The following NCAPD3 variants were observed in gnomAD, a reference collection of about 807,000 sequenced individuals.
NCAPD3 encodes condensin-2 complex subunit D3.
A neutral mutation model predicts 182.9 loss-of-function variants in NCAPD3; 105 were observed. The ratio of observed to expected loss-of-function variants is 0.57; its 90% CI spans 0.49 to 0.68. The LOEUF (loss-of-function observed/expected upper bound fraction) is 0.68. NCAPD3 is among the 30% of genes least tolerant of loss of function. NCAPD3 has a pLI of 0.00. For missense variants in NCAPD3, 1,944 were observed against 1,837.0 expected, an observed-to-expected ratio of 1.06 and a Z score of -1.07; for synonymous variants, 815 against 679.9, an observed-to-expected ratio of 1.20 and a Z score of -3.09.
Position 134,209,447 on chromosome 11 carries a change from C to T in NCAPD3, c.598G>A (p.Glu200Lys), listed in dbSNP as rs182724339. 4.2e-5 allele frequency: 67 copies of T among 1,612,488 alleles called. No homozygotes were observed. The African/African-American group carries it at 8.3e-4, about 20-fold the overall frequency. ...MDEIIEEQED[E>K]NICFSARDLS... ...TCCCGGGCAGAAAAACAAATATTCT[C>T]ATCTTCTTGTTCTTCTATAATTTCA... The change falls in exon 5 of 35, where the codon GAG becomes AAG. Residue 200 changes from glutamate (E) to lysine (K), a missense_variant. By Grantham distance (56) the Glu-to-Lys change is moderately conservative. Coordinates refer to ENST00000534548, the MANE Select transcript of NCAPD3 (RefSeq NM_015261.3).
At chr11:134,153,812 G>A (rs762540546) in intron 32 of NCAPD3, 38 of 204,314 alleles carry the variant, frequency 1.9e-4, no homozygotes, top group Non-Finnish European at 3.4e-4. Flanking sequence ...ATATGGCACC[G>A]TGAGCAGCTC....
At chr11:134,202,693 G>A in intron 13 of NCAPD3, 123 bp downstream of exon 13, 1 of 696,200 alleles carries the variant, frequency 1.4e-6, no homozygotes. Context: ...CCAGCCAGCT[G>A]TTTCAACTCT....
chr11:134,224,650 C>T, upstream of NCAPD3: 1 of 152,388 alleles, frequency 6.6e-6, no homozygotes, highest in Non-Finnish European at 1.5e-5. Context: ...GGCTGGAGCT[C>T]GCCCGCCCCC....
In NCAPD3 at chr11:134,192,909, C is replaced by G. The variant is rs1944554983; in HGVS notation, c.1825G>C (p.Ala609Pro). ...ALQSLTELLM[A>P]QPRCVQIQKA... ...TGGATCTGCACGCATCTAGGCTGAGCCTTAGGAGTGAAAGATTATGACATG... is the reference window on the plus strand; with the variant it reads ...TGGATCTGCACGCATCTAGGCTGAGGCTTAGGAGTGAAAGATTATGACATG... The change falls in exon 16 of 35, where the codon GCT (alanine) becomes CCT (proline). Residue 609 changes from alanine to proline, a missense_variant and splice_region_variant. Coordinates refer to ENST00000534548, the MANE Select transcript of NCAPD3 (RefSeq NM_015261.3). The G allele has an allele frequency of 6.3e-7, 1 of 1,584,638 alleles. No individual in the cohort carries two copies. The highest frequency in any genetic ancestry group is 8.7e-7 in the Non-Finnish European group (1 of 1,153,816).
At chr11:134,165,177 C>A (rs1263187886) in intron 27 of NCAPD3, among the ~76,000 whole-genome samples, 1 of 148,910 alleles carries the variant, frequency 6.7e-6, no homozygotes, top group Non-Finnish European at 1.5e-5. Context: ...GGAGGAGCTG[C>A]ACACTTGTGA....
At chr11:134,210,966 C>A (rs189294910) in intron 3 of NCAPD3, among the ~76,000 whole-genome samples, 112 of 152,320 alleles carry the variant, frequency 7.4e-4, no homozygotes, top group Middle Eastern at 3.4e-3. Context: ...AAAAAGAGTT[C>A]TAGAAATCGG....
At chr11:134,169,911 C>T (rs1434274062) in intron 24 of NCAPD3, among the ~76,000 whole-genome samples, 2 of 152,202 alleles carry the variant, frequency 1.3e-5, no homozygotes, top group African/African-American at 4.8e-5. Context: ...AGCTCAAATG[C>T]AATTTCCACC....
intron 3 of NCAPD3, among the ~76,000 whole-genome samples, chr11:134,215,603 C>T (rs948577066): frequency 4.6e-5 from 7 of 152,156 alleles, no homozygotes; most frequent in East Asian, 1.9e-4. Flanking sequence ...GCAAGAGTTG[C>T]GCACCAAAAA....
rs1323805585 is a variant in NCAPD3 at position 134,184,671 on chromosome 11, C to T, written c.2417G>A (p.Cys806Tyr). The T allele has an allele frequency of 1.9e-6, 3 of 1,613,708 alleles. No homozygotes were observed. Among genetic ancestry groups the T allele is most frequent in the Admixed American group, 1.7e-5 (1 of 59,968 alleles). The part of the protein sequence containing the change: ...SSAVDALQRL[C>Y]RASAETPAEE... ...TGCTGGTGTCTCTGCAGATGCTCTA[C>T]AAAGCCTCTGCAAGGCGTCAACAGC... is the stretch of plus-strand genomic sequence containing the variant. Residue 806 changes from cysteine (C) to tyrosine (Y), a missense_variant, in exon 19 of 35, where the codon TGT becomes TAT. Physicochemically the swap from Cys to Tyr is radical, Grantham distance 194 (BLOSUM62 -2). Around this residue, in one of 3 missense-constraint regions of NCAPD3, gnomAD observed 1,803 missense variants for 1,674.6 expected, o/e 1.08. Transcript: ENST00000534548.
chr11:134,209,457 T>A lies in NCAPD3; in HGVS notation c.588A>T (p.Glu196Asp). 6.2e-7 allele frequency: 1 copy of A among 1,611,756 alleles called. No homozygotes were observed. Among genetic ancestry groups the A allele is most frequent in the Non-Finnish European group, 8.5e-7 (1 of 1,179,250 alleles). Residue 196 changes from glutamate to aspartate, a missense_variant, in exon 5 of 35, where the codon GAA becomes GAT. Physicochemically the swap from Glu to Asp is conservative, Grantham distance 45. This residue lies in a region of NCAPD3 where 1,803 missense variants were observed against 1,674.6 expected (regional missense o/e 1.08). Transcript: ENST00000534548. ...AAAAACAAATATTCTCATCTTCTTG[T>A]TCTTCTATAATTTCATCCATCTAGA... ...EDIEMDEIIE[E>D]QEDENICFSA... is the part of the protein sequence containing the mutation.
At position 134,219,059 on chromosome 11, in the gene NCAPD3, A is replaced by C. The variant is rs148403886; in HGVS notation, c.219+1513T>G. On this transcript the variant is annotated intron_variant, in intron 2 of 34. Transcript: ENST00000534548. ...CAAACTCCACTGCTGAACCTCACGT[A>C]AAGCTACCCGTGACCTACCCTTACT... is the stretch of plus-strand genomic sequence containing the variant. Among the ~76,000 whole-genome samples the C allele has an allele frequency of 4.2e-3, 636 of 152,294 alleles. 4 individuals are homozygous for C. The highest frequency in any genetic ancestry group is 0.015 in the African/African-American group (610 of 41,554).
intron 14 of NCAPD3, 112 bp downstream of exon 14, chr11:134,194,549 CAGTT>C (rs144202724): frequency 0.058 from 36,712 of 634,520 alleles, 1,204 homozygotes; most frequent in Non-Finnish European, 0.06. Flanking sequence ...GGTCAACTAA[CAGTT>C]AGGCGAAAAG....
At chr11:134,186,643 A>G (rs1218190802) in intron 16 of NCAPD3, among the ~76,000 whole-genome samples, 2 of 152,174 alleles carry the variant, frequency 1.3e-5, no homozygotes, top group Non-Finnish European at 2.9e-5. Flanking sequence ...CCCTTGATTA[A>G]TTTTTCTTAG....
At chr11:134,192,461 C>T (rs537029474) in intron 16 of NCAPD3, among the ~76,000 whole-genome samples, 10 of 152,156 alleles carry the variant, frequency 6.6e-5, no homozygotes, top group African/African-American at 2.2e-4. Context: ...AACTGGAAAG[C>T]GTCAGACAGA....
Position 134,169,100 on chromosome 11 carries a change from C to T in NCAPD3, c.3102-46G>A, listed in dbSNP as rs750082450. The T allele has an allele frequency of 6.3e-6, 10 of 1,584,656 alleles. No individual in the cohort carries two copies. The East Asian group carries it at 6.7e-5, about 11-fold the overall frequency. On this transcript the variant is annotated intron_variant, in intron 24 of 34. Coordinates refer to ENST00000534548, the MANE Select transcript of NCAPD3 (RefSeq NM_015261.3). ...AAGAGGGAGACCCATTTGCTATGTA[C>T]CAACAGTCTCTGAATACACCAAGAA... is the stretch of plus-strand genomic sequence containing the variant.
chr11:134,170,788 C>T (rs560277385), intron 24 of NCAPD3, among the ~76,000 whole-genome samples: 90 of 152,336 alleles, frequency 5.9e-4, no homozygotes, highest in African/African-American at 1.7e-3. Flanking sequence ...AGGATTCACA[C>T]GCTGAGGGCT....
chr11:134,185,906 C>CTTTTTTTTTTTTTTTTTTTT (rs34931150), intron 16 of NCAPD3: 1 of 138,312 alleles, frequency 7.2e-6, no homozygotes, highest in Non-Finnish European at 1.5e-5. Context: ...TAACATTGTC[C>CTTTTTTTTTTTTTTTTTTTT]TTTTTTTTTT....
At chr11:134,167,870 G>C in intron 27 of NCAPD3, 126 bp downstream of exon 27, 1 of 933,210 alleles carries the variant, frequency 1.1e-6, no homozygotes. Context: ...CTCGTGAGAT[G>C]AGCTTGGGGG....
Position 134,220,611 on chromosome 11 carries a change from G to A in NCAPD3, c.180C>T (p.Ser60=), listed in dbSNP as rs751000785. The part of the protein sequence containing the change: ...GLAAFTKLYE[S]LLPFATGEHG... ...GTTCTCCAGTAGCAAAGGGTAAAAG[G>A]CTTTCATAGAGTTTTGTGAATGCAG... is the stretch of plus-strand genomic sequence containing the variant. The change falls in exon 2 of 35, where the codon AGC becomes AGT. Residue 60 remains serine, a synonymous_variant. Transcript: ENST00000534548. 1 of 1,613,966 alleles carries A rather than the reference G, an allele frequency of 6.2e-7. No individual in the cohort carries two copies. The highest frequency in any genetic ancestry group is 1.1e-5 in the South Asian group (1 of 91,072).
Sources: allele counts gnomAD v4.1 joint callset (sites outside exome capture counted in the v4.1 genomes callset), GRCh38; gene constraint gnomAD v4.1.1; regional missense constraint gnomAD v4.1.1; transcripts MANE v1.5; gene names NCBI Gene and HGNC (gene_info 2026-07-23, HGNC 2026-07-21).